The following LDB2 variants were observed in gnomAD, a reference collection of about 807,000 sequenced individuals.
LDB2 encodes LIM domain-binding protein 2.
Under a neutral mutation model 44.3 loss-of-function variants are expected in LDB2, and 12 were observed. The ratio of observed to expected loss-of-function variants is 0.27; its 90% CI spans 0.17 to 0.44. The LOEUF is 0.44. Ranked by LOEUF, LDB2 falls within the 20% of genes least tolerant of loss-of-function variation. The pLI is 1.00. For synonymous variants in LDB2, 164 were observed against 174.8 expected (o/e 0.94, Z 0.49); for missense variants, 344 against 473.5 (o/e 0.73, Z 2.54).
intron 1 of LDB2, among the ~76,000 whole-genome samples, chr4:16,812,690 G>A (rs1780135081): frequency 7.1e-6 from 1 of 140,348 alleles, no homozygotes; most frequent in Non-Finnish European, 1.5e-5. Flanking sequence ...AAAACAGAAA[G>A]GTTAACTACT....
intron 5 of LDB2, chr4:16,581,434 A>T (rs1040066740): frequency 1.0e-5 from 10 of 985,386 alleles, no homozygotes; most frequent in Non-Finnish European, 1.2e-5. Flanking sequence ...CTGGAAAAAA[A>T]AAATCTTTTG....
intron 2 of LDB2, among the ~76,000 whole-genome samples, chr4:16,709,420 AT>A (rs1356867383): frequency 6.6e-6 from 1 of 152,170 alleles, no homozygotes; most frequent in Non-Finnish European, 1.5e-5. Context: ...CTGACTTAGA[AT>A]ATCATTCACA....
chr4:16,717,667 A>G (rs1015320902), intron 2 of LDB2, among the ~76,000 whole-genome samples: 3 of 152,186 alleles, frequency 2.0e-5, no homozygotes, highest in Admixed American at 1.3e-4. Context: ...ATAACTTTAT[A>G]TGCAATTATT....
At chr4:16,829,832 T>A (rs207705) in intron 1 of LDB2, among the ~76,000 whole-genome samples, 1 of 152,140 alleles carries the variant, frequency 6.6e-6, no homozygotes, top group Non-Finnish European at 1.5e-5. Context: ...ACAGGCCGGG[T>A]GCGGTGGCTC....
At chr4:16,563,825 A>G (rs1475469180) in intron 5 of LDB2, among the ~76,000 whole-genome samples, 1 of 152,080 alleles carries the variant, frequency 6.6e-6, no homozygotes, top group Admixed American at 6.5e-5. Context: ...GGACCTGATC[A>G]TGGACACACA....
At chr4:16,739,510 C>T (rs1223766465) in intron 2 of LDB2, among the ~76,000 whole-genome samples, 2 of 143,268 alleles carry the variant, frequency 1.4e-5, no homozygotes, top group South Asian at 2.2e-4. Flanking sequence ...CACTTGAACC[C>T]GGGAGGCAGA....
chr4:16,621,755 T>A (rs986060699), intron 2 of LDB2, among the ~76,000 whole-genome samples: 4 of 152,112 alleles, frequency 2.6e-5, no homozygotes, highest in Admixed American at 2.0e-4. Flanking sequence ...GACAAGGTCT[T>A]GTTATTTTGC....
At chr4:16,569,141 T>G (rs879758721) in intron 5 of LDB2, among the ~76,000 whole-genome samples, 16 of 152,174 alleles carry the variant, frequency 1.1e-4, no homozygotes, top group Non-Finnish European at 1.8e-4. Flanking sequence ...TTTCTTTAGG[T>G]AAAGCACAGA....
intron 2 of LDB2, among the ~76,000 whole-genome samples, chr4:16,658,220 C>T (rs1206400386): frequency 6.6e-6 from 1 of 152,150 alleles, no homozygotes; most frequent in Non-Finnish European, 1.5e-5. Context: ...ATTAAGTTTT[C>T]TATTCTCAGT....
At chr4:16,702,447 G>A (rs1042658173) in intron 2 of LDB2, among the ~76,000 whole-genome samples, 1 of 152,110 alleles carries the variant, frequency 6.6e-6, no homozygotes, top group African/African-American at 2.4e-5. Flanking sequence ...ATCATTTTAG[G>A]CCTCAGCCCT....
At chr4:16,665,177 G>A (rs141010181) in intron 2 of LDB2, among the ~76,000 whole-genome samples, 13 of 152,152 alleles carry the variant, frequency 8.5e-5, no homozygotes, top group South Asian at 2.1e-4. Flanking sequence ...AGTTTGGATC[G>A]GGTCTGAGCC....
intron 1 of LDB2, among the ~76,000 whole-genome samples, chr4:16,868,921 G>T (rs547332007): frequency 6.6e-6 from 1 of 152,200 alleles, no homozygotes; most frequent in African/African-American, 2.4e-5. Context: ...TGAAGAGGAA[G>T]ACGTTACTGG....
At position 16,659,332 on chromosome 4, in the gene LDB2, G is replaced by A. The variant is rs369093572; in HGVS notation, c.236-63457C>T. 3.0e-4 allele frequency among the ~76,000 whole-genome samples: 46 copies of A among 152,138 alleles called. No homozygotes were observed. The East Asian group carries it at 3.3e-3, about 11-fold the overall frequency. On this transcript the variant is annotated intron_variant, in intron 2 of 7. Coordinates refer to ENST00000304523, the MANE Select transcript of LDB2 (RefSeq NM_001290.5). ...GATAAATCCCTGGGTCGGCATCCCC[G>A]GAGCCGCTCCATTAACTTTCTTGGC... is the stretch of plus-strand genomic sequence containing the variant.
At chr4:16,677,853 A>G (rs1746720241) in intron 2 of LDB2, among the ~76,000 whole-genome samples, 2 of 152,210 alleles carry the variant, frequency 1.3e-5, no homozygotes, top group African/African-American at 4.8e-5. Context: ...TCTGCATGTT[A>G]GTCTATTAAG....
chr4:16,726,895 A>G (rs552151603), intron 2 of LDB2, among the ~76,000 whole-genome samples: 1 of 152,252 alleles, frequency 6.6e-6, no homozygotes, highest in Non-Finnish European at 1.5e-5. Context: ...TTAAATAGAC[A>G]CTAACAGTAA....
intron 1 of LDB2, among the ~76,000 whole-genome samples, chr4:16,830,672 C>T (rs1783903797): frequency 6.6e-6 from 1 of 152,164 alleles, no homozygotes; most frequent in South Asian, 2.1e-4. Context: ...AAATCAACTG[C>T]AATGATCAGC....
chr4:16,615,367 G>A (rs1242023321), intron 2 of LDB2, among the ~76,000 whole-genome samples: 8 of 152,138 alleles, frequency 5.3e-5, no homozygotes, highest in East Asian at 1.9e-4. Context: ...AATGCTCATC[G>A]ATGATAGACT....
intron 5 of LDB2, among the ~76,000 whole-genome samples, chr4:16,578,500 T>G (rs1487662953): frequency 6.6e-6 from 1 of 152,120 alleles, no homozygotes; most frequent in Non-Finnish European, 1.5e-5. Flanking sequence ...AAAACTATAA[T>G]GAAATATCAT....
intron 2 of LDB2, among the ~76,000 whole-genome samples, chr4:16,733,307 G>C (rs1447492961): frequency 6.6e-6 from 1 of 151,804 alleles, no homozygotes; most frequent in Admixed American, 6.6e-5. Context: ...CTGTGAGCAG[G>C]ATAATTGGAA....
Sources: allele counts gnomAD v4.1 joint callset (sites outside exome capture counted in the v4.1 genomes callset), GRCh38; gene constraint gnomAD v4.1.1; transcripts MANE v1.5; gene names NCBI Gene and HGNC (gene_info 2026-07-23, HGNC 2026-07-21).